Variants in NT5DC1 observed in about 807,000 individuals in gnomAD.
The protein encoded by NT5DC1 is 5'-nucleotidase domain containing 1.
In NT5DC1, 42 loss-of-function variants were observed where a neutral mutation model predicts 59.4. The ratio of observed to expected loss-of-function variants is 0.71; its 90% CI spans 0.55 to 0.92. NT5DC1 has a LOEUF of 0.92. NT5DC1 is among the 40% of genes least tolerant of loss of function. NT5DC1 has a pLI of 0.00. For synonymous variants in NT5DC1, 172 were observed against 188.1 expected, an observed-to-expected ratio of 0.91 and a Z score of 0.70; for missense variants, 501 against 537.1, an observed-to-expected ratio of 0.93 and a Z score of 0.66.
intron 11 of NT5DC1, 57 bp from the exon 12 acceptor site, chr6:116,243,848 ATTTG>A (rs1309180116): frequency 6.1e-6 from 4 of 652,100 alleles, no homozygotes; most frequent in Admixed American, 2.8e-5. Flanking sequence ...TCAAGTTTTG[ATTTG>A]TTTATGAAAG....
At chr6:116,185,730 C>A (rs1469952113) in intron 6 of NT5DC1, among the ~76,000 whole-genome samples, 1 of 151,994 alleles carries the variant, frequency 6.6e-6, no homozygotes, top group Non-Finnish European at 1.5e-5. Context: ...TTTTTTTCTA[C>A]CCCTTTACCT....
chr6:116,211,998 C>A (rs1478022900), intron 6 of NT5DC1, among the ~76,000 whole-genome samples: 1 of 151,980 alleles, frequency 6.6e-6, no homozygotes, highest in Admixed American at 6.6e-5. Context: ...AGGCTTAGGG[C>A]ATTATTACTC....
intron 6 of NT5DC1, among the ~76,000 whole-genome samples, chr6:116,197,863 C>G (rs1362330577): frequency 6.6e-6 from 1 of 151,810 alleles, no homozygotes; most frequent in Non-Finnish European, 1.5e-5. Flanking sequence ...ACCAGACATG[C>G]CAGTGCATTG....
intron 7 of NT5DC1, 126 bp downstream of exon 7, chr6:116,221,354 A>AT (rs1237739347): frequency 4.0e-5 from 25 of 623,128 alleles, no homozygotes; most frequent in South Asian, 9.8e-5. Context: ...TGACAAGTTG[A>AT]TTTTTTTTCT....
chr6:116,220,221 A>G (rs10456903), intron 6 of NT5DC1, among the ~76,000 whole-genome samples: 30,954 of 140,762 alleles, frequency 0.22, 3,911 homozygotes, highest in Middle Eastern at 0.38. Flanking sequence ...TACTAGTTCT[A>G]TCATGCTCTG....
chr6:116,128,083 C>CAA (rs546837330), intron 6 of NT5DC1, among the ~76,000 whole-genome samples: 1 of 151,988 alleles, frequency 6.6e-6, no homozygotes, highest in South Asian at 2.1e-4. Context: ...ATTAGAGACA[C>CAA]AAAAAAATCC....
intron 6 of NT5DC1, among the ~76,000 whole-genome samples, chr6:116,131,080 A>T (rs1779447109): frequency 2.0e-5 from 3 of 152,158 alleles, no homozygotes; most frequent in Admixed American, 2.0e-4. Flanking sequence ...ATACTTTCAT[A>T]AAGTACATAT....
chr6:116,235,154 C>G (rs918945877), intron 8 of NT5DC1, among the ~76,000 whole-genome samples: 5 of 150,114 alleles, frequency 3.3e-5, no homozygotes, highest in African/African-American at 9.8e-5. Flanking sequence ...TTCCCGTTAT[C>G]CTTGCAAAGT....
chr6:116,217,027 G>A (rs1781699735), intron 6 of NT5DC1, among the ~76,000 whole-genome samples: 1 of 152,116 alleles, frequency 6.6e-6, no homozygotes, highest in South Asian at 2.1e-4. Context: ...AGTCCCCTCG[G>A]ACAGCAGCTT....
intron 6 of NT5DC1, among the ~76,000 whole-genome samples, chr6:116,143,045 T>C (rs557833311): frequency 7.9e-5 from 12 of 152,316 alleles, no homozygotes; most frequent in Middle Eastern, 3.4e-3. Context: ...GTCCTTTTGC[T>C]CTTACTAGGA....
intron 6 of NT5DC1, among the ~76,000 whole-genome samples, chr6:116,178,030 T>G (rs890545143): frequency 1.3e-5 from 2 of 151,242 alleles, no homozygotes; most frequent in Admixed American, 1.3e-4. Context: ...ATGTCTAGCT[T>G]TCATAACTTT....
intron 6 of NT5DC1, among the ~76,000 whole-genome samples, chr6:116,208,237 TGCCCG>T (rs1268272867): frequency 1.3e-5 from 2 of 152,072 alleles, no homozygotes; most frequent in Non-Finnish European, 2.9e-5. Flanking sequence ...GAGTCTGCTT[TGCCCG>T]GAGGCATCCC....
At chr6:116,243,110 A>G (rs1172441402) in intron 11 of NT5DC1, among the ~76,000 whole-genome samples, 1 of 152,210 alleles carries the variant, frequency 6.6e-6, no homozygotes, top group Non-Finnish European at 1.5e-5. Context: ...TTAGAAGTCT[A>G]GTTAATTTTT....
In NT5DC1 at chr6:116,223,136, G is replaced by T; in HGVS notation, c.802+5G>T. The T allele has an allele frequency of 6.6e-7, 1 of 1,508,722 alleles. No homozygotes were observed. The highest frequency in any genetic ancestry group is 1.7e-5 in the Admixed American group (1 of 58,928). The allele number at this position is 1,508,722 out of a possible 1,614,324, so 93.5% of individuals were successfully genotyped here. On this transcript the variant is annotated splice_donor_5th_base_variant and intron_variant, in intron 8 of 11. Transcript: ENST00000319550. Reference sequence around the variant, plus strand: ...AGAGACCTTTCCGGACACTCGGTAAGTTACATTTGGTTTCTTTCTTTTCCT... The same window carrying T: ...AGAGACCTTTCCGGACACTCGGTAATTTACATTTGGTTTCTTTCTTTTCCT...
chr6:116,232,384 A>G (rs1419533616), intron 8 of NT5DC1, among the ~76,000 whole-genome samples: 1 of 152,152 alleles, frequency 6.6e-6, no homozygotes, highest in Non-Finnish European at 1.5e-5. Flanking sequence ...TGTCTCAACA[A>G]ATGTGTAAAA....
intron 11 of NT5DC1, among the ~76,000 whole-genome samples, chr6:116,242,482 CAAA>C (rs778188431): frequency 3.3e-5 from 4 of 122,586 alleles, no homozygotes; most frequent in African/African-American, 6.0e-5. Flanking sequence ...TAACAGTAAC[CAAA>C]AAAAAAAAAA....
chr6:116,119,868 A>G (rs894737807), intron 6 of NT5DC1: 7 of 579,200 alleles, frequency 1.2e-5, no homozygotes, highest in Non-Finnish European at 2.1e-5. Context: ...ATTGCTAACT[A>G]GAAATTCAAG....
chr6:116,183,706 A>G (rs1385143161), intron 6 of NT5DC1, among the ~76,000 whole-genome samples: 1 of 151,622 alleles, frequency 6.6e-6, no homozygotes, highest in Non-Finnish European at 1.5e-5. Flanking sequence ...CAGCTTGGTC[A>G]CTGTTAGTGT....
intron 6 of NT5DC1, among the ~76,000 whole-genome samples, chr6:116,133,802 G>A (rs1779524235): frequency 6.6e-6 from 1 of 152,004 alleles, no homozygotes; most frequent in African/African-American, 2.4e-5. Flanking sequence ...TGGCCTTTTT[G>A]CACCCTGGTT....
Sources: gnomAD v4.1 joint callset for allele counts (sites outside exome capture counted in the v4.1 genomes callset) on GRCh38, gnomAD v4.1.1 for gene constraint, MANE v1.5 for transcripts, NCBI Gene and HGNC (gene_info 2026-07-23, HGNC 2026-07-21) for gene names.